PTPMT1: variants seen among roughly 807,000 people sequenced by gnomAD.
The protein encoded by PTPMT1 is phosphatidylglycerophosphatase and protein-tyrosine phosphatase 1.
In PTPMT1, 12 loss-of-function variants were observed where a neutral mutation model predicts 17.8. The observed-to-expected ratio is 0.67, with a 90% CI of 0.43 to 1.09. The LOEUF (loss-of-function observed/expected upper bound fraction) is 1.09. PTPMT1 is among the 50% of genes least tolerant of loss of function. The pLI is 0.00. For missense variants in PTPMT1, 262 were observed against 266.0 expected, an observed-to-expected ratio of 0.99 and a Z score of 0.10; for synonymous variants, 132 against 116.8, an observed-to-expected ratio of 1.13 and a Z score of -0.84.
intron 2 of PTPMT1, among the ~76,000 whole-genome samples, chr11:47,567,369 G>A (rs2097246337): frequency 6.6e-6 from 1 of 150,970 alleles, no homozygotes; most frequent in Non-Finnish European, 1.5e-5. Flanking sequence ...TTGCACCACT[G>A]CACGCCAGCC....
At position 47,568,331 on chromosome 11, in the gene PTPMT1, T is replaced by C. The variant is rs182486645; in HGVS notation, c.256-1369T>C. Among the ~76,000 whole-genome samples, 621 of 152,234 alleles carry C rather than the reference T, an allele frequency of 4.1e-3. 2 individuals are homozygous for C. The highest frequency in any genetic ancestry group is 5.8e-3 in the Non-Finnish European group (393 of 68,018). Reference sequence around the variant, plus strand: ...GAAATAGAAAGCCTTGGCAAAATATTGTACCCCAAATCTGCAGCTGAATCA... The same window carrying C: ...GAAATAGAAAGCCTTGGCAAAATATCGTACCCCAAATCTGCAGCTGAATCA... On this transcript the variant is annotated intron_variant, in intron 2 of 3. Coordinates refer to ENST00000326674, the MANE Select transcript of PTPMT1 (RefSeq NM_175732.3).
chr11:47,568,076 T>C (rs1024397097), intron 2 of PTPMT1, among the ~76,000 whole-genome samples: 7 of 151,946 alleles, frequency 4.6e-5, no homozygotes, highest in East Asian at 1.9e-4. Flanking sequence ...CCTGCCACCA[T>C]GCCCGGCTAA....
At position 47,572,570 on chromosome 11, in the gene PTPMT1, G is replaced by T. The variant is rs1363901271; in HGVS notation, c.*941G>T. 3 of 224,678 alleles carry T rather than the reference G, an allele frequency of 1.3e-5. No individual in the cohort carries two copies. The Admixed American group carries it at 1.5e-4, about 11-fold the overall frequency. 13.9% of individuals were successfully genotyped at this position (224,678 alleles called of 1,614,324 possible). A position where few individuals can be genotyped will look rare whatever the true frequency, so the allele number is the denominator to read the frequency against. On this transcript the variant is annotated 3_prime_UTR_variant, in exon 4 of 4. Coordinates refer to ENST00000326674, the MANE Select transcript of PTPMT1 (RefSeq NM_175732.3). ...CAGGCTATAGAACAAAAGTACAATT[G>T]GGCATCTTTCCTTATGTCCTGGGAT...
chr11:47,566,408 G>A (rs2097244421), intron 2 of PTPMT1, among the ~76,000 whole-genome samples: 1 of 151,664 alleles, frequency 6.6e-6, no homozygotes, highest in Non-Finnish European at 1.5e-5. Context: ...ACTTTAGCCC[G>A]GGAGGTGGAG....
intron 2 of PTPMT1, among the ~76,000 whole-genome samples, chr11:47,566,366 C>T (rs868834394): frequency 5.1e-4 from 78 of 151,986 alleles, no homozygotes; most frequent in African/African-American, 1.8e-3. Flanking sequence ...GCCTGTACTC[C>T]CAGCTACTTG....
At chr11:47,569,498 G>A (rs1321141936) in intron 2 of PTPMT1, among the ~76,000 whole-genome samples, 1 of 151,488 alleles carries the variant, frequency 6.6e-6, no homozygotes, top group African/African-American at 2.4e-5. Context: ...CCATTTTAAA[G>A]ACATTTCTGT....
chr11:47,565,824 C>G (rs2153792696), intron 1 of PTPMT1, 28 bp downstream of exon 1: 1 of 1,590,248 alleles, frequency 6.3e-7, no homozygotes, highest in Non-Finnish European at 8.6e-7. Context: ...GCCCGGGCCC[C>G]TGCCCCGTCC....
rs61740549 is a variant in PTPMT1 at position 47,571,509 on chromosome 11, C to T, written c.486C>T (p.Ile162=). 1,138 of 1,613,962 alleles carry T rather than the reference C, an allele frequency of 7.1e-4. 6 individuals carry two copies. The African/African-American group carries it at 0.014, about 19-fold the overall frequency. Residue 162 remains isoleucine, a synonymous_variant, in exon 4 of 4, where the codon ATC becomes ATT. Transcript: ENST00000326674. ...KWSPEEAVRA[I]AKIRSYIHIR... Reference sequence around the variant, plus strand: ...GTCCAGAGGAGGCTGTAAGAGCCATCGCCAAGATCCGGTCATACATCCACA... The same window carrying T: ...GTCCAGAGGAGGCTGTAAGAGCCATTGCCAAGATCCGGTCATACATCCACA...
Position 47,568,977 on chromosome 11 carries a change from C to T in PTPMT1, c.256-723C>T, listed in dbSNP as rs370047017. On this transcript the variant is annotated intron_variant, in intron 2 of 3. Coordinates refer to ENST00000326674, the MANE Select transcript of PTPMT1 (RefSeq NM_175732.3). ...AACTGTTGGGATTACAGGCGTGAGC[C>T]ACCATGCCCGGCCAAAATAAAATGT... 9.9e-5 allele frequency among the ~76,000 whole-genome samples: 15 copies of T among 151,928 alleles called. 1 individual carries two copies. In the East Asian group the frequency reaches 2.9e-3, roughly 30 times the overall value.
Position 47,565,796 on chromosome 11 carries a change from G to C in PTPMT1, c.174G>C (p.Gln58His). The change falls in exon 1 of 4, where the codon CAG becomes CAC. Residue 58 changes from glutamine to histidine, a missense_variant and splice_region_variant. Transcript: ENST00000326674. Reference protein sequence around the residue: ...GALPLRSLTRQLVQDENVRGV... With the variant: ...GALPLRSLTRHLVQDENVRGV... ...TGCCGTTGCGGAGCTTGACGCGCCAGGTGAGCCGGGCCGGGGAGCCCGGGC... is the reference window on the plus strand; with the variant it reads ...TGCCGTTGCGGAGCTTGACGCGCCACGTGAGCCGGGCCGGGGAGCCCGGGC... 6.3e-7 allele frequency: 1 copy of C among 1,589,062 alleles called. No individual in the cohort carries two copies. Among genetic ancestry groups the C allele is most frequent in the Non-Finnish European group, 8.6e-7 (1 of 1,168,756 alleles).
rs2097252635 is a variant in PTPMT1, at chr11:47,573,196, G to C, written c.*1567G>C. ...TCCCCTTCAGCCACGATGAACACCA[G>C]ATCTTTATGCACAGCTGCGTGCATG... On this transcript the variant is annotated 3_prime_UTR_variant, in exon 4 of 4. Transcript: ENST00000326674. This position sits in a 1 kb window ranked among gnomAD's most constrained non-coding sequence, Gnocchi z 4.1. 6.2e-7 allele frequency: 1 copy of C among 1,614,090 alleles called. No individual in the cohort carries two copies. The highest frequency in any genetic ancestry group is 8.5e-7 in the Non-Finnish European group (1 of 1,180,038).
rs767707941 is a variant in PTPMT1 at position 47,571,711 on chromosome 11, C to G, written c.*82C>G. ...CTTAACAGGACCAACAGGGCTTAAG[C>G]CCAGACTTGACGTAACAGAAATGTG... On this transcript the variant is annotated 3_prime_UTR_variant, in exon 4 of 4. Transcript: ENST00000326674. The G allele has an allele frequency of 2.2e-6, 3 of 1,340,606 alleles. No homozygotes were observed. The African/African-American group carries it at 4.4e-5, about 20-fold the overall frequency. The allele number at this position is 1,340,606 out of a possible 1,614,324, so 83.0% of individuals were successfully genotyped here.
In PTPMT1 at chr11:47,573,072, C is replaced by T. The variant is rs1288654504; in HGVS notation, c.*1443C>T. On this transcript the variant is annotated 3_prime_UTR_variant, in exon 4 of 4. Transcript: ENST00000326674. The surrounding 1 kb of genome is among the most constrained non-coding windows in gnomAD (Gnocchi z 4.1). ...CCGGAAGACATAGATGCTCCCGTTACAGCTGGCAATCTTCCAGAGGGATGG... is the reference window on the plus strand; with the variant it reads ...CCGGAAGACATAGATGCTCCCGTTATAGCTGGCAATCTTCCAGAGGGATGG... 4 of 1,614,102 alleles carry T rather than the reference C, an allele frequency of 2.5e-6. No homozygotes were observed. Among genetic ancestry groups the T allele is most frequent in the African/African-American group, 1.3e-5 (1 of 74,938 alleles).
At chr11:47,570,982 G>C (rs2097249310) in intron 3 of PTPMT1, among the ~76,000 whole-genome samples, 1 of 152,122 alleles carries the variant, frequency 6.6e-6, no homozygotes, top group Non-Finnish European at 1.5e-5. Flanking sequence ...GTATTTTCTT[G>C]GTTCTGTTGA....
At position 47,565,668 on chromosome 11, in the gene PTPMT1, T is replaced by C; in HGVS notation, c.46T>C (p.Phe16Leu). 6.9e-7 allele frequency: 1 copy of C among 1,439,850 alleles called. No individual in the cohort carries two copies. The highest frequency in any genetic ancestry group is 9.1e-7 in the Non-Finnish European group (1 of 1,100,748). 89.2% of individuals were successfully genotyped at this position (1,439,850 alleles called of 1,614,324 possible). A position where few individuals can be genotyped will look rare whatever the true frequency, so the allele number is the denominator to read the frequency against. Residue 16 changes from phenylalanine to leucine, a missense_variant, in exon 1 of 4, where the codon TTC becomes CTC. Transcript: ENST00000326674. ...GGAGGCCGGCCTGGCGCGGGTGCTCTTCTACCCGACGCTGCTCTACACCCT... is the reference window on the plus strand; with the variant it reads ...GGAGGCCGGCCTGGCGCGGGTGCTCCTCTACCCGACGCTGCTCTACACCCT... ...LLEAGLARVL[F>L]YPTLLYTLFR...
chr11:47,570,962 T>C (rs1206337298), intron 3 of PTPMT1, among the ~76,000 whole-genome samples: 1 of 152,214 alleles, frequency 6.6e-6, no homozygotes, highest in Non-Finnish European at 1.5e-5. Context: ...AACTAGCAAG[T>C]TAGAAATCTG....
chr11:47,567,400 C>T lies in PTPMT1; in HGVS notation c.255+1414C>T, dbSNP rs1221884971. 3.4e-5 allele frequency among the ~76,000 whole-genome samples: 5 copies of T among 148,364 alleles called. No individual in the cohort carries two copies. In the East Asian group the frequency reaches 5.9e-4, roughly 18 times the overall value. ...CAGCCTGGGCGACAGAGTGAGTCTCCGTCTCAAAAAAAAAAAAGAATTACT... is the reference window on the plus strand; with the variant it reads ...CAGCCTGGGCGACAGAGTGAGTCTCTGTCTCAAAAAAAAAAAAGAATTACT... On this transcript the variant is annotated intron_variant, in intron 2 of 3. Transcript: ENST00000326674.
rs1403666819 is a variant in PTPMT1, at chr11:47,571,382, C to G, written c.448-89C>G. 30 of 1,131,558 alleles carry G rather than the reference C, an allele frequency of 2.7e-5. 1 individual carries two copies. Among genetic ancestry groups the G allele is most frequent in the Non-Finnish European group, 3.6e-5 (28 of 786,816 alleles). The allele number at this position is 1,131,558 out of a possible 1,614,324, so 70.1% of individuals were successfully genotyped here. ...TAGAGTTTCCAAAGAAATGAAATCTCAGAGTCCTTTAGCACCTGCTCATGG... is the reference window on the plus strand; with the variant it reads ...TAGAGTTTCCAAAGAAATGAAATCTGAGAGTCCTTTAGCACCTGCTCATGG... On this transcript the variant is annotated intron_variant, in intron 3 of 3. Transcript: ENST00000326674.
rs1403339576 is a variant in PTPMT1 at position 47,572,853 on chromosome 11, G to C, written c.*1224G>C. The C allele has an allele frequency of 6.7e-7, 1 of 1,483,470 alleles. No homozygotes were observed. The highest frequency in any genetic ancestry group is 9.1e-7 in the Non-Finnish European group (1 of 1,095,944). 91.9% of individuals were successfully genotyped at this position (1,483,470 alleles called of 1,614,324 possible). A position where few individuals can be genotyped will look rare whatever the true frequency, so the allele number is the denominator to read the frequency against. On this transcript the variant is annotated 3_prime_UTR_variant, in exon 4 of 4. Coordinates refer to ENST00000326674, the MANE Select transcript of PTPMT1 (RefSeq NM_175732.3). Reference sequence around the variant, plus strand: ...TATGTGCCAAAAAAAACATAACTCTGAATTGGGGCCCAGGGGACTTTGAGT... The same window carrying C: ...TATGTGCCAAAAAAAACATAACTCTCAATTGGGGCCCAGGGGACTTTGAGT...
Sources: gnomAD v4.1 joint callset for allele counts (sites outside exome capture counted in the v4.1 genomes callset) on GRCh38, gnomAD v4.1.1 for gene constraint, Gnocchi (gnomAD v3.1) non-coding constraint, MANE v1.5 for transcripts, NCBI Gene and HGNC (gene_info 2026-07-23, HGNC 2026-07-21) for gene names.